The following MAML3 variants were observed in gnomAD, a reference collection of about 807,000 sequenced individuals.
MAML3 encodes mastermind-like protein 3.
Under a neutral mutation model 101.9 loss-of-function variants are expected in MAML3, and 27 were observed. The ratio of observed to expected loss-of-function variants is 0.27; its 90% CI spans 0.20 to 0.37. The LOEUF is 0.37. MAML3 is among the 10% of genes least tolerant of loss of function. MAML3 has a pLI of 1.00. For missense variants in MAML3, 1,316 were observed against 1,444.9 expected (o/e 0.91, Z 1.45); for synonymous variants, 501 against 555.9 (o/e 0.90, Z 1.39).
intron 1 of MAML3, among the ~76,000 whole-genome samples, chr4:140,065,229 GA>G (rs900309848): frequency 2.2e-4 from 33 of 150,712 alleles, no homozygotes; most frequent in Non-Finnish European, 4.3e-4. Context: ...TGAGAGATGT[GA>G]AAAGTATACA....
intron 1 of MAML3, among the ~76,000 whole-genome samples, chr4:139,973,158 A>C (rs1438955497): frequency 6.6e-6 from 1 of 152,212 alleles, no homozygotes; most frequent in Non-Finnish European, 1.5e-5. Flanking sequence ...CCTTCTTCTT[A>C]GCATAGTGAA....
chr4:139,744,174 A>G (rs1729252412), intron 2 of MAML3, among the ~76,000 whole-genome samples: 1 of 152,236 alleles, frequency 6.6e-6, no homozygotes, highest in African/African-American at 2.4e-5. Context: ...AAGGCTGACT[A>G]GGTCAGTTAA....
chr4:139,914,742 G>A (rs1439871793), intron 1 of MAML3, among the ~76,000 whole-genome samples: 1 of 152,162 alleles, frequency 6.6e-6, no homozygotes, highest in Non-Finnish European at 1.5e-5. Context: ...AAAGGAAGAT[G>A]AAACCAACTG....
chr4:140,093,647 C>G (rs1198629928), intron 1 of MAML3, among the ~76,000 whole-genome samples: 1 of 151,876 alleles, frequency 6.6e-6, no homozygotes, highest in Non-Finnish European at 1.5e-5. Flanking sequence ...CCAGGATGGT[C>G]TCGATCTCCT....
Position 139,890,230 on chromosome 4 carries a change from T to C in MAML3, c.1206A>G (p.Ala402=). ...TSLPSVASTP[A]APNPASSPAN... ...CTGGTGAGCTTGCAGGGTTTGGAGCTGCGGGAGTGCTGGCAACAGAAGGTA... is the reference window on the plus strand; with the variant it reads ...CTGGTGAGCTTGCAGGGTTTGGAGCCGCGGGAGTGCTGGCAACAGAAGGTA... Residue 402 remains alanine (A), a synonymous_variant, in exon 2 of 5, where the codon GCA becomes GCG. Coordinates refer to ENST00000509479, the MANE Select transcript of MAML3 (RefSeq NM_018717.5). The surrounding 1 kb of genome is among the most constrained non-coding windows in gnomAD (Gnocchi z 4.1). 1 of 1,613,472 alleles carries C rather than the reference T, an allele frequency of 6.2e-7. No individual in the cohort carries two copies. Among genetic ancestry groups the C allele is most frequent in the Non-Finnish European group, 8.5e-7 (1 of 1,179,856 alleles).
At chr4:139,845,880 C>T (rs772297989) in intron 2 of MAML3, among the ~76,000 whole-genome samples, 6 of 152,148 alleles carry the variant, frequency 3.9e-5, no homozygotes, top group Non-Finnish European at 8.8e-5. Flanking sequence ...AGTAAAATTA[C>T]AGTTCGTTAA....
At chr4:139,820,273 C>G (rs1730953352) in intron 2 of MAML3, among the ~76,000 whole-genome samples, 1 of 152,212 alleles carries the variant, frequency 6.6e-6, no homozygotes, top group Non-Finnish European at 1.5e-5. Context: ...ACAAAAACAT[C>G]ACCTTTTATC....
chr4:140,099,040 G>A (rs573190316), intron 1 of MAML3, among the ~76,000 whole-genome samples: 2 of 152,210 alleles, frequency 1.3e-5, no homozygotes, highest in East Asian at 1.9e-4. Context: ...TTACAAGATT[G>A]TAATGTGCAA....
At chr4:140,076,754 C>A (rs1427032579) in intron 1 of MAML3, among the ~76,000 whole-genome samples, 1 of 152,214 alleles carries the variant, frequency 6.6e-6, no homozygotes, top group African/African-American at 2.4e-5. Context: ...TTTGTTCTTC[C>A]CCAAGATGGG....
At chr4:139,938,023 T>G (rs1048661220) in intron 1 of MAML3, among the ~76,000 whole-genome samples, 12 of 152,220 alleles carry the variant, frequency 7.9e-5, no homozygotes, top group Admixed American at 2.0e-4. Context: ...AAAGCATTGC[T>G]TTGATCCATA....
At chr4:139,739,679 G>T (rs1579379883) in intron 2 of MAML3, among the ~76,000 whole-genome samples, 5 of 132,330 alleles carry the variant, frequency 3.8e-5, no homozygotes, top group East Asian at 2.3e-4. Flanking sequence ...GAGGAAAGCA[G>T]TTTTTTTTTT....
chr4:140,091,545 A>AAG (rs1553974626), intron 1 of MAML3, among the ~76,000 whole-genome samples: 3 of 143,666 alleles, frequency 2.1e-5, no homozygotes, highest in Non-Finnish European at 4.5e-5. Flanking sequence ...AACAAAAACA[A>AAG]AACAAAAAAA....
intron 2 of MAML3, among the ~76,000 whole-genome samples, chr4:139,802,930 A>G (rs941818678): frequency 1.3e-5 from 2 of 152,222 alleles, no homozygotes; most frequent in African/African-American, 4.8e-5. Flanking sequence ...AGACAAAAAT[A>G]TCTTATACCT....
chr4:140,095,906 C>T (rs970611301), intron 1 of MAML3, among the ~76,000 whole-genome samples: 2 of 152,214 alleles, frequency 1.3e-5, no homozygotes, highest in African/African-American at 4.8e-5. Flanking sequence ...GTGCTTCATA[C>T]ACATTTCTGT....
chr4:139,935,179 C>T (rs1004110690), intron 1 of MAML3, among the ~76,000 whole-genome samples: 1 of 151,154 alleles, frequency 6.6e-6, no homozygotes, highest in African/African-American at 2.4e-5. Context: ...GCCTTCCAGG[C>T]AGATGCAGTT....
At chr4:140,074,213 GAAAGAA>G (rs1390643537) in intron 1 of MAML3, among the ~76,000 whole-genome samples, 1 of 137,326 alleles carries the variant, frequency 7.3e-6, no homozygotes, top group African/African-American at 2.7e-5. Context: ...AAGAAAGAAA[GAAAGAA>G]AGAAAGAAAG....
chr4:139,864,307 G>C lies in MAML3; in HGVS notation c.2079+25050C>G, dbSNP rs540382654. Among the ~76,000 whole-genome samples the C allele has an allele frequency of 1.7e-4, 26 of 152,190 alleles. No homozygotes were observed. The East Asian group carries it at 4.4e-3, about 26-fold the overall frequency. ...TCTGATGGGTGTGTTCCTTGCACAG[G>C]CTTCAAATTCACACTCCAGTATAAT... is the stretch of plus-strand genomic sequence containing the variant. On this transcript the variant is annotated intron_variant, in intron 2 of 4. Coordinates refer to ENST00000509479, the MANE Select transcript of MAML3 (RefSeq NM_018717.5).
chr4:139,899,723 A>T (rs926467755), intron 1 of MAML3, among the ~76,000 whole-genome samples: 2 of 152,248 alleles, frequency 1.3e-5, no homozygotes, highest in African/African-American at 4.8e-5. Flanking sequence ...ATAGACTCCT[A>T]ACATTACTTA....
chr4:140,082,602 C>G (rs1296234954), intron 1 of MAML3, among the ~76,000 whole-genome samples: 1 of 152,164 alleles, frequency 6.6e-6, no homozygotes, highest in Non-Finnish European at 1.5e-5. Context: ...CAGCATACAG[C>G]TCCCGACCTC....
Sources: gnomAD v4.1 joint callset for allele counts (sites outside exome capture counted in the v4.1 genomes callset) on GRCh38, gnomAD v4.1.1 for gene constraint, Gnocchi (gnomAD v3.1) non-coding constraint, MANE v1.5 for transcripts, NCBI Gene and HGNC (gene_info 2026-07-23, HGNC 2026-07-21) for gene names.